RHOBTB3: variants seen among roughly 807,000 people sequenced by gnomAD.
The protein encoded by RHOBTB3 is rho-related BTB domain-containing protein 3.
Under a neutral mutation model 67.2 loss-of-function variants are expected in RHOBTB3, and 47 were observed. The observed-to-expected ratio is 0.70, with a 90% CI of 0.55 to 0.89. The LOEUF (loss-of-function observed/expected upper bound fraction) is 0.89. RHOBTB3 is among the 40% of genes least tolerant of loss of function. The pLI, the probability that RHOBTB3 is intolerant of heterozygous loss-of-function variation, is 0.00. For missense variants in RHOBTB3, 631 were observed against 750.0 expected, an observed-to-expected ratio of 0.84 and a Z score of 1.85; for synonymous variants, 273 against 274.2, an observed-to-expected ratio of 1.00 and a Z score of 0.04.
upstream of RHOBTB3, among the ~76,000 whole-genome samples, chr5:95,728,763 C>T (rs1755130331): frequency 6.6e-6 from 1 of 152,094 alleles, no homozygotes; most frequent in Admixed American, 6.6e-5. Flanking sequence ...CATTCTTAGC[C>T]ACAGGATGAG....
At chr5:95,756,396 C>T (rs1745247636) in intron 6 of RHOBTB3, among the ~76,000 whole-genome samples, 1 of 152,006 alleles carries the variant, frequency 6.6e-6, no homozygotes, top group South Asian at 2.1e-4. Flanking sequence ...TTTTGTTTAC[C>T]CATTCATTCA....
At chr5:95,757,607 T>G (rs918338149) in intron 6 of RHOBTB3, among the ~76,000 whole-genome samples, 3 of 152,364 alleles carry the variant, frequency 2.0e-5, no homozygotes, top group Admixed American at 6.5e-5. Flanking sequence ...TTTGTGGTCA[T>G]GTAATTTTAT....
At chr5:95,793,020 A>G (rs1367741746) in intron 11 of RHOBTB3, 39 bp from the exon 12 acceptor site, 1 of 1,380,246 alleles carries the variant, frequency 7.2e-7, no homozygotes, top group Non-Finnish European at 1.0e-6. Flanking sequence ...ATCCATAATA[A>G]AACATATTCG....
chr5:95,782,791 C>T (rs1038823231), intron 9 of RHOBTB3: 8 of 123,442 alleles, frequency 6.5e-5, no homozygotes, highest in African/African-American at 2.4e-4. Context: ...GCCTGGACGA[C>T]AGAGTGAGAC....
In RHOBTB3 at chr5:95,731,700, C is replaced by G; in HGVS notation, c.2+16C>G. 6.2e-7 allele frequency: 1 copy of G among 1,613,182 alleles called. No individual in the cohort carries two copies. Among genetic ancestry groups the G allele is most frequent in the Non-Finnish European group, 8.5e-7 (1 of 1,179,736 alleles). On this transcript the variant is annotated intron_variant, in intron 1 of 11. Transcript: ENST00000379982. ...TTGAGATCATGTACGTACGCGCCGC[C>G]GTCCTGCCATTGTCTCTCTCCAGCG... is the stretch of plus-strand genomic sequence containing the variant.
intron 6 of RHOBTB3, among the ~76,000 whole-genome samples, chr5:95,758,455 G>A (rs1745309601): frequency 2.6e-5 from 4 of 152,232 alleles, no homozygotes; most frequent in Admixed American, 2.0e-4. Context: ...AGTGAAAGGT[G>A]ATGGCTGGTG....
intron 1 of RHOBTB3, among the ~76,000 whole-genome samples, chr5:95,723,028 A>C (rs1478364465): frequency 6.6e-6 from 1 of 152,200 alleles, no homozygotes; most frequent in African/African-American, 2.4e-5. Flanking sequence ...CAAACAAAGA[A>C]ACAAACATAG....
chr5:95,778,120 A>G (rs1745943738), intron 8 of RHOBTB3, among the ~76,000 whole-genome samples: 1 of 147,246 alleles, frequency 6.8e-6, no homozygotes, highest in African/African-American at 2.5e-5. Flanking sequence ...CTCTATCTCA[A>G]AAAAAAAAAA....
intron 2 of RHOBTB3, among the ~76,000 whole-genome samples, chr5:95,734,318 A>G (rs531267902): frequency 5.4e-4 from 82 of 152,282 alleles, no homozygotes; most frequent in South Asian, 3.7e-3. Flanking sequence ...GATGAGTTCA[A>G]TTCTCCAAAT....
chr5:95,777,579 G>A (rs1454341289), intron 8 of RHOBTB3, among the ~76,000 whole-genome samples: 3 of 152,148 alleles, frequency 2.0e-5, no homozygotes, highest in Admixed American at 6.5e-5. Context: ...TTCTTTACCT[G>A]TATCCTATTG....
intron 3 of RHOBTB3, among the ~76,000 whole-genome samples, chr5:95,745,623 G>T (rs1468860047): frequency 1.3e-5 from 2 of 151,928 alleles, no homozygotes; most frequent in Non-Finnish European, 2.9e-5. Context: ...CCATTTGAAT[G>T]TCAGAGTTAC....
intron 1 of RHOBTB3, chr5:95,719,688 T>G (rs1257360442): frequency 1.3e-5 from 2 of 152,246 alleles, no homozygotes; most frequent in Admixed American, 6.5e-5. Flanking sequence ...ATTCAGAGAC[T>G]GGCTTTGTGA....
At chr5:95,789,628 C>T (rs539084018) in intron 11 of RHOBTB3, 3 of 152,022 alleles carry the variant, frequency 2.0e-5, no homozygotes, top group East Asian at 1.9e-4. Flanking sequence ...AATAAATCTC[C>T]GTGGAGATAA....
intron 4 of RHOBTB3, chr5:95,751,566 G>A (rs1030364881): frequency 2.0e-5 from 3 of 151,766 alleles, no homozygotes; most frequent in Admixed American, 1.3e-4. Flanking sequence ...TTAGGTTCAG[G>A]GGTACATATT....
chr5:95,763,374 T>C (rs1384641557), intron 6 of RHOBTB3, 134 bp from the exon 7 acceptor site: 1 of 603,148 alleles, frequency 1.7e-6, no homozygotes, highest in Non-Finnish European at 3.0e-6. Flanking sequence ...TGTTTTAGTA[T>C]AGTTATAAGG....
chr5:95,793,613 A>C lies in RHOBTB3; in HGVS notation c.*439A>C, dbSNP rs138158782. 5.8e-6 allele frequency: 1 copy of C among 171,442 alleles called. No homozygotes were observed. The highest frequency in any genetic ancestry group is 2.4e-5 in the African/African-American group (1 of 41,812). The allele number at this position is 171,442 out of a possible 1,614,324, so 10.6% of individuals were successfully genotyped here. On this transcript the variant is annotated 3_prime_UTR_variant, in exon 12 of 12. Transcript: ENST00000379982. Reference sequence around the variant, plus strand: ...TAATGAGAAATCTAGGGGAAAACCAATCAGTCCAACATGAGATTTTAGGAA... The same window carrying C: ...TAATGAGAAATCTAGGGGAAAACCACTCAGTCCAACATGAGATTTTAGGAA...
upstream of RHOBTB3, among the ~76,000 whole-genome samples, chr5:95,727,488 TA>T (rs1208006257): frequency 6.6e-6 from 1 of 152,172 alleles, no homozygotes; most frequent in Non-Finnish European, 1.5e-5. Flanking sequence ...TATTTAGGGA[TA>T]AAAACATCTA....
chr5:95,741,055 G>T (rs1363826458), intron 3 of RHOBTB3, among the ~76,000 whole-genome samples: 1 of 152,060 alleles, frequency 6.6e-6, no homozygotes, highest in East Asian at 1.9e-4. Context: ...CTGGCCAGGC[G>T]CAGTGGCTCA....
chr5:95,753,776 C>T (rs1383008236), intron 5 of RHOBTB3, among the ~76,000 whole-genome samples: 4 of 152,094 alleles, frequency 2.6e-5, no homozygotes, highest in Non-Finnish European at 4.4e-5. Flanking sequence ...ATACCAGATC[C>T]TCAGAGAAAG....
Sources: allele counts gnomAD v4.1 joint callset (sites outside exome capture counted in the v4.1 genomes callset), GRCh38; gene constraint gnomAD v4.1.1; transcripts MANE v1.5; gene names NCBI Gene and HGNC (gene_info 2026-07-23, HGNC 2026-07-21).